Variants in LINGO2 observed in about 807,000 individuals in gnomAD.
LINGO2 encodes leucine-rich repeat and immunoglobulin-like domain-containing nogo receptor-interacting protein 2.
LINGO2 carries 14 observed loss-of-function variants against 30.6 expected under a neutral mutation model. The ratio of observed to expected loss-of-function variants is 0.46; its 90% CI spans 0.30 to 0.72. The LOEUF (loss-of-function observed/expected upper bound fraction) is 0.72. Among genes scored for constraint, LINGO2 ranks in the 30% least tolerant of loss-of-function variants. The probability of loss-of-function intolerance (pLI) is 0.07; values close to 1 mark genes in which losing one functional copy is unlikely to be tolerated. For synonymous variants in LINGO2, 317 were observed against 288.5 expected (o/e 1.10, Z -1.00); for missense variants, 729 against 751.7 (o/e 0.97, Z 0.35).
At chr9:29,045,604 A>G in the LINGO2 span, among the ~76,000 whole-genome samples, 1 of 151,720 alleles carries the variant, frequency 6.6e-6, no homozygotes, top group South Asian at 2.1e-4. Flanking sequence ...AAACCCTCGA[A>G]AACTGGGGAT....
chr9:28,047,542 T>A (rs146906031), intron 4 of LINGO2, among the ~76,000 whole-genome samples: 7 of 151,056 alleles, frequency 4.6e-5, no homozygotes, highest in Non-Finnish European at 8.8e-5. Context: ...AAGACAGTTC[T>A]GGGTGCAAAT....
At chr9:28,322,985 T>G (rs1411234786) in intron 3 of LINGO2, among the ~76,000 whole-genome samples, 1 of 152,190 alleles carries the variant, frequency 6.6e-6, no homozygotes. Flanking sequence ...ACTCATTGAT[T>G]GCAGGTATGG....
intron 1 of LINGO2, among the ~76,000 whole-genome samples, chr9:28,632,765 T>TCTATATATATAGAC (rs1827033850): frequency 7.2e-6 from 1 of 138,442 alleles, no homozygotes; most frequent in Non-Finnish European, 1.5e-5. Context: ...TATATATAGA[T>TCTATATATATAGAC]TTATATATTA....
chr9:28,468,958 T>A (rs1008578664), intron 2 of LINGO2, among the ~76,000 whole-genome samples: 4 of 151,998 alleles, frequency 2.6e-5, no homozygotes, highest in African/African-American at 9.7e-5. Context: ...TCAGAAACTG[T>A]CTCTAAAGAA....
the LINGO2 span, among the ~76,000 whole-genome samples, chr9:29,008,677 G>C: frequency 6.6e-6 from 1 of 152,144 alleles, no homozygotes; most frequent in Non-Finnish European, 1.5e-5. Context: ...CTGATGGCCA[G>C]CGATGATGAG....
Position 28,148,207 on chromosome 9 carries a change from C to T in LINGO2, c.-86-135802G>A. 5.5e-6 allele frequency: 4 copies of T among 727,348 alleles called. No individual in the cohort carries two copies. Among genetic ancestry groups the T allele is most frequent in the Non-Finnish European group, 8.5e-6 (4 of 471,852 alleles). 45.1% of individuals were successfully genotyped at this position (727,348 alleles called of 1,614,324 possible). On this transcript the variant is annotated intron_variant, in intron 4 of 5. Transcript: ENST00000379992. The surrounding 1 kb of genome is among the most constrained non-coding windows in gnomAD (Gnocchi z 5.1). ...CTTTTCCAGTCAGTTGGGACGGCGC[C>T]CCTATGAGGCTGTGTCTTATCCCTC...
At chr9:28,607,149 T>C (rs1296182511) in intron 1 of LINGO2, among the ~76,000 whole-genome samples, 2 of 152,038 alleles carry the variant, frequency 1.3e-5, no homozygotes, top group African/African-American at 4.8e-5. Flanking sequence ...AATGATCCAT[T>C]GGTGACCAGA....
chr9:28,443,394 C>A (rs139704259), intron 2 of LINGO2, among the ~76,000 whole-genome samples: 4 of 152,238 alleles, frequency 2.6e-5, no homozygotes, highest in African/African-American at 7.2e-5. Flanking sequence ...GGGGAACAGG[C>A]GGGAGCCCTG....
chr9:28,119,591 C>G (rs1019380964), intron 4 of LINGO2, among the ~76,000 whole-genome samples: 1 of 152,152 alleles, frequency 6.6e-6, no homozygotes, highest in African/African-American at 2.4e-5. Flanking sequence ...CAGTGACTAA[C>G]AGCTCTTATT....
chr9:28,992,936 T>A, the LINGO2 span, among the ~76,000 whole-genome samples: 96,558 of 150,596 alleles, frequency 0.64, 31,750 homozygotes, highest in Non-Finnish European at 0.72. Context: ...TTGACACCCT[T>A]ACATCACAAT....
At chr9:28,883,628 G>GTGTGTGTGTGTATA in the LINGO2 span, among the ~76,000 whole-genome samples, 3 of 64,180 alleles carry the variant, frequency 4.7e-5, no homozygotes, top group South Asian at 1.3e-3. Flanking sequence ...ATGTGTGTGT[G>GTGTGTGTGTGTATA]TATATATATA....
chr9:27,983,182 C>G (rs1820963238), intron 5 of LINGO2, among the ~76,000 whole-genome samples: 1 of 151,808 alleles, frequency 6.6e-6, no homozygotes, highest in African/African-American at 2.4e-5. Context: ...TTTACCACAT[C>G]AAGTTATGTG....
At chr9:28,742,104 G>A in the LINGO2 span, among the ~76,000 whole-genome samples, 3 of 151,960 alleles carry the variant, frequency 2.0e-5, no homozygotes, top group African/African-American at 4.8e-5. Flanking sequence ...GGCCTTCCTA[G>A]CACTATGTTT....
At chr9:28,197,355 A>G (rs1450778096) in intron 4 of LINGO2, among the ~76,000 whole-genome samples, 1 of 152,006 alleles carries the variant, frequency 6.6e-6, no homozygotes, top group Non-Finnish European at 1.5e-5. Context: ...ATAAGGCTAA[A>G]ATATCTTAAA....
At chr9:29,209,266 C>T in the LINGO2 span, among the ~76,000 whole-genome samples, 7 of 151,978 alleles carry the variant, frequency 4.6e-5, no homozygotes, top group Admixed American at 3.3e-4. Context: ...GAAGTTGCAG[C>T]GAGACACAAG....
In LINGO2 at chr9:28,496,352, G is replaced by A. The variant is rs538073847; in HGVS notation, c.-364-20327C>T. ...TATGAATCTGGGTGCTCCCGTATTGGGTGCATATATATTTAGGATAGTTAG... is the reference window on the plus strand; with the variant it reads ...TATGAATCTGGGTGCTCCCGTATTGAGTGCATATATATTTAGGATAGTTAG... On this transcript the variant is annotated intron_variant, in intron 1 of 5. Coordinates refer to ENST00000379992, the Ensembl canonical transcript of LINGO2. 7.9e-5 allele frequency among the ~76,000 whole-genome samples: 12 copies of A among 152,074 alleles called. No individual in the cohort carries two copies. In the South Asian group the frequency reaches 1.5e-3, roughly 18 times the overall value.
intron 1 of LINGO2, among the ~76,000 whole-genome samples, chr9:28,606,742 C>T (rs1259160737): frequency 6.6e-6 from 1 of 152,006 alleles, no homozygotes; most frequent in Non-Finnish European, 1.5e-5. Flanking sequence ...TCAACATTTC[C>T]AATATCATCC....
chr9:28,802,155 A>G, the LINGO2 span, among the ~76,000 whole-genome samples: 3 of 152,126 alleles, frequency 2.0e-5, no homozygotes, highest in Admixed American at 2.0e-4. Flanking sequence ...CTAGAATATA[A>G]ATTCAAAAGT....
chr9:28,180,688 A>G (rs1355709568), intron 4 of LINGO2, among the ~76,000 whole-genome samples: 1 of 152,186 alleles, frequency 6.6e-6, no homozygotes, highest in Non-Finnish European at 1.5e-5. Flanking sequence ...TTAGCCAGTG[A>G]GTAGAACAGG....
Sources: allele counts gnomAD v4.1 joint callset (sites outside exome capture counted in the v4.1 genomes callset), GRCh38; gene constraint gnomAD v4.1.1; non-coding constraint Gnocchi (gnomAD v3.1); transcripts MANE v1.5; gene names NCBI Gene and HGNC (gene_info 2026-07-23, HGNC 2026-07-21).